Variants in OR2T1 observed in about 807,000 individuals in gnomAD.
OR2T1 encodes the protein olfactory receptor family 2 subfamily T member 1.
For missense variants in OR2T1, 440 were observed against 390.2 expected (o/e 1.13, Z -1.07); for synonymous variants, 186 against 145.4 (o/e 1.28, Z -2.01).
chr1:248,406,671 ACTT>A lies in OR2T1; in HGVS notation c.530_532del (p.Phe177del), dbSNP rs767778117. 12 of 1,614,010 alleles carry A rather than the reference ACTT, an allele frequency of 7.4e-6. No homozygotes were observed. Among genetic ancestry groups the A allele is most frequent in the East Asian group, 2.2e-5 (1 of 44,872 alleles). ...TTCTGCAATTCCCGGGAGATTAACC[ACTT>A]CTTCTGTGAGGCACCAGCAGTCCTG... On this transcript the variant is annotated inframe_deletion, in exon 2 of 2. Coordinates refer to ENST00000642005, the MANE Select transcript of OR2T1 (RefSeq NM_030904.2).
chr1:248,404,245 G>GGACGCTATTACAT, intron 1 of OR2T1, among the ~76,000 whole-genome samples: 7 of 150,968 alleles, frequency 4.6e-5, no homozygotes, highest in African/African-American at 1.7e-4. Context: ...AGACAGCAGA[G>GGACGCTATTACAT]ACCACTGTTT....
intron 1 of OR2T1, among the ~76,000 whole-genome samples, chr1:248,404,421 G>A (rs934063837): frequency 4.0e-5 from 6 of 151,794 alleles, no homozygotes; most frequent in East Asian, 1.9e-4. Flanking sequence ...TATTTTTATA[G>A]GTTCCATTAA....
chr1:248,406,118 T>C lies in OR2T1; in HGVS notation c.-30T>C. 1 of 1,614,114 alleles carries C rather than the reference T, an allele frequency of 6.2e-7. No homozygotes were observed. The highest frequency in any genetic ancestry group is 8.5e-7 in the Non-Finnish European group (1 of 1,179,986). On this transcript the variant is annotated 5_prime_UTR_variant, in exon 2 of 2. Coordinates refer to ENST00000642005, the MANE Select transcript of OR2T1 (RefSeq NM_030904.2). ...ATGCTATCATCTTATTTGGAAGATATTACCTTATATCGGCACAACTGTAGG... is the reference window on the plus strand; with the variant it reads ...ATGCTATCATCTTATTTGGAAGATACTACCTTATATCGGCACAACTGTAGG...
Position 248,406,206 on chromosome 1 carries a change from A to T in OR2T1, c.59A>T (p.Lys20Met). ...DFTFMGLFNRKETSGLIFAII... is the reference protein window; with the variant it reads ...DFTFMGLFNRMETSGLIFAII... ...ACTTTCATGGGGCTGTTCAACAGAA[A>T]GGAAACCTCAGGTCTTATTTTTGCC... The change falls in exon 2 of 2, where the codon AAG becomes ATG. Residue 20 changes from lysine (K) to methionine (M), a missense_variant. By Grantham distance (95) the Lys-to-Met change is moderately conservative. Coordinates refer to ENST00000642005, the MANE Select transcript of OR2T1 (RefSeq NM_030904.2). 3 of 1,614,130 alleles carry T rather than the reference A, an allele frequency of 1.9e-6. No homozygotes were observed. The highest frequency in any genetic ancestry group is 2.5e-6 in the Non-Finnish European group (3 of 1,180,004).
In OR2T1 at chr1:248,406,182, C is replaced by T. The variant is rs552056659; in HGVS notation, c.35C>T (p.Thr12Ile). The T allele has an allele frequency of 6.2e-6, 10 of 1,614,008 alleles. No individual in the cohort carries two copies. The highest frequency in any genetic ancestry group is 2.2e-5 in the East Asian group (1 of 44,874). The change falls in exon 2 of 2, where the codon ACT (threonine) becomes ATT (isoleucine). Residue 12 changes from threonine to isoleucine, a missense_variant. By Grantham distance (89) the Thr-to-Ile change is moderately conservative. Coordinates refer to ENST00000642005, the MANE Select transcript of OR2T1 (RefSeq NM_030904.2). Reference protein sequence around the residue: ...EEYNTSSTDFTFMGLFNRKET... With the variant: ...EEYNTSSTDFIFMGLFNRKET... ...TACAACACATCCTCTACAGACTTCA[C>T]TTTCATGGGGCTGTTCAACAGAAAG...
At position 248,406,894 on chromosome 1, in the gene OR2T1, G is replaced by C; in HGVS notation, c.747G>C (p.Leu249Phe). Residue 249 changes from leucine to phenylalanine, a missense_variant, in exon 2 of 2, where the codon TTG becomes TTC. Coordinates refer to ENST00000642005, the MANE Select transcript of OR2T1 (RefSeq NM_030904.2). The part of the protein sequence containing the change: ...TCSSHMTVVS[L>F]FYGAAMYTYM... ...CATCCCACATGACTGTGGTGTCCTTGTTCTACGGGGCTGCCATGTACACCT... is the reference window on the plus strand; with the variant it reads ...CATCCCACATGACTGTGGTGTCCTTCTTCTACGGGGCTGCCATGTACACCT... 1 of 1,614,074 alleles carries C rather than the reference G, an allele frequency of 6.2e-7. No individual in the cohort carries two copies. Among genetic ancestry groups the C allele is most frequent in the East Asian group, 2.2e-5 (1 of 44,882 alleles).
In OR2T1 at chr1:248,407,254, T is replaced by C. The variant is rs988997400; in HGVS notation, c.*150T>C. ...GGGTTTCTGGTTCATAACTCCATAG[T>C]TATGATGTTGTGGTTTTTTAGGCCT... On this transcript the variant is annotated 3_prime_UTR_variant, in exon 2 of 2. Coordinates refer to ENST00000642005, the MANE Select transcript of OR2T1 (RefSeq NM_030904.2). 1.8e-5 allele frequency: 12 copies of C among 655,716 alleles called. 2 individuals carry two copies. In the East Asian group the frequency reaches 3.6e-4, roughly 20 times the overall value. 40.6% of individuals were successfully genotyped at this position (655,716 alleles called of 1,614,324 possible).
chr1:248,405,625 A>G (rs1661538191), intron 1 of OR2T1, among the ~76,000 whole-genome samples: 1 of 152,186 alleles, frequency 6.6e-6, no homozygotes, highest in Non-Finnish European at 1.5e-5. Context: ...CTCATGATGT[A>G]GACAGTGACT....
Position 248,407,015 on chromosome 1 carries a change from A to T in OR2T1, c.868A>T (p.Ser290Cys), listed in dbSNP as rs1399245701. ...ACCCATGCTGAACCCCCTCATCTACAGCCTTAGAAACAAGGATGTGACTGG... is the reference window on the plus strand; with the variant it reads ...ACCCATGCTGAACCCCCTCATCTACTGCCTTAGAAACAAGGATGTGACTGG... ...LTPMLNPLIYSLRNKDVTGAL... is the reference protein window; with the variant it reads ...LTPMLNPLIYCLRNKDVTGAL... The change falls in exon 2 of 2, where the codon AGC (serine) becomes TGC (cysteine). Residue 290 changes from serine to cysteine, a missense_variant. Ser to Cys is a moderately radical substitution (Grantham distance 112, BLOSUM62 -1). Transcript: ENST00000642005. The T allele has an allele frequency of 2.5e-6, 4 of 1,614,072 alleles. No homozygotes were observed. The highest frequency in any genetic ancestry group is 2.5e-6 in the Non-Finnish European group (3 of 1,179,984).
Position 248,406,446 on chromosome 1 carries a change from A to G in OR2T1, c.299A>G (p.His100Arg). The change falls in exon 2 of 2, where the codon CAC becomes CGC. Residue 100 changes from histidine to arginine, a missense_variant. His to Arg is a conservative substitution (Grantham distance 29). Coordinates refer to ENST00000642005, the MANE Select transcript of OR2T1 (RefSeq NM_030904.2). ...TCCTTTGTGGGGTGCACAGCTCAAC[A>G]CTTCCTCTACCTTACCCTTGTGGGA... ...TISFVGCTAQ[H>R]FLYLTLVGAE... The G allele has an allele frequency of 1.2e-6, 2 of 1,614,090 alleles. No individual in the cohort carries two copies. The highest frequency in any genetic ancestry group is 1.7e-6 in the Non-Finnish European group (2 of 1,180,008).
chr1:248,407,026 C>G lies in OR2T1; in HGVS notation c.879C>G (p.Asn293Lys), dbSNP rs1407379140. The stretch of plus-strand genomic sequence containing the variant: ...ACCCCCTCATCTACAGCCTTAGAAA[C>G]AAGGATGTGACTGGAGCTCTGAAGA... ...MLNPLIYSLR[N>K]KDVTGALKRA... The change falls in exon 2 of 2, where the codon AAC (asparagine) becomes AAG (lysine). Residue 293 changes from asparagine to lysine, a missense_variant. Asn to Lys is a moderately conservative substitution (Grantham distance 94, BLOSUM62 0). Transcript: ENST00000642005. 3 of 1,613,792 alleles carry G rather than the reference C, an allele frequency of 1.9e-6. No individual in the cohort carries two copies. Among genetic ancestry groups the G allele is most frequent in the African/African-American group, 1.3e-5 (1 of 74,880 alleles).
At chr1:248,405,660 G>A (rs11488135) in intron 1 of OR2T1, among the ~76,000 whole-genome samples, 112,719 of 152,110 alleles carry the variant, frequency 0.74, 42,161 homozygotes, top group African/African-American at 0.84. Context: ...TAGATAACCC[G>A]TACTTGTAGC....
rs776215034 is a variant in OR2T1, at chr1:248,407,155, G to C, written c.*51G>C. On this transcript the variant is annotated 3_prime_UTR_variant, in exon 2 of 2. Coordinates refer to ENST00000642005, the MANE Select transcript of OR2T1 (RefSeq NM_030904.2). ...GTAAATGGGGGACTCTGTGGTCACT[G>C]TGGCTGTGCTTTCATCAAAAGATGA... The C allele has an allele frequency of 1.3e-6, 2 of 1,491,800 alleles. No individual in the cohort carries two copies. Among genetic ancestry groups the C allele is most frequent in the East Asian group, 4.6e-5 (2 of 43,784 alleles). 92.4% of individuals were successfully genotyped at this position (1,491,800 alleles called of 1,614,324 possible).
In OR2T1 at chr1:248,406,963, C is replaced by T; in HGVS notation, c.816C>T (p.Val272=). ...ACCACAAGCCAGCCCAGGACAAAGT[C>T]CTCTCTGTGTTTTACACCATTCTCA... ...HSYHKPAQDK[V]LSVFYTILTP... The change falls in exon 2 of 2, where the codon GTC becomes GTT. Residue 272 remains valine, a synonymous_variant. Transcript: ENST00000642005. 1.9e-6 allele frequency: 3 copies of T among 1,614,152 alleles called. No homozygotes were observed. The highest frequency in any genetic ancestry group is 1.1e-5 in the South Asian group (1 of 91,086).
rs1661593578 is a variant in OR2T1, at chr1:248,407,647, C to T, written c.*543C>T. On this transcript the variant is annotated 3_prime_UTR_variant, in exon 2 of 2. Transcript: ENST00000642005. ...TTCAATAAAGTCTCCATATAAGGGC[C>T]AAAAGGAGAGGACAGAAAACTTCTG... 6.6e-6 allele frequency: 1 copy of T among 152,444 alleles called. No homozygotes were observed. The highest frequency in any genetic ancestry group is 2.4e-5 in the African/African-American group (1 of 41,428). The allele number at this position is 152,444 out of a possible 1,614,324, so 9.4% of individuals were successfully genotyped here.
rs192716090 is a variant in OR2T1 at position 248,406,116 on chromosome 1, T to C, written c.-32T>C. On this transcript the variant is annotated splice_region_variant and 5_prime_UTR_variant, in exon 2 of 2. Transcript: ENST00000642005. ...GAATGCTATCATCTTATTTGGAAGA[T>C]ATTACCTTATATCGGCACAACTGTA... 2.3e-4 allele frequency: 372 copies of C among 1,614,108 alleles called. 8 individuals carry two copies. In the Admixed American group the frequency reaches 6.0e-3, roughly 26 times the overall value.
intron 1 of OR2T1, among the ~76,000 whole-genome samples, 168 bp downstream of exon 1, chr1:248,403,413 T>A (rs1032934438): frequency 6.6e-6 from 1 of 152,162 alleles, no homozygotes; most frequent in African/African-American, 2.4e-5. Flanking sequence ...AATTTCTTAT[T>A]TGATTCTTAA....
Position 248,407,795 on chromosome 1 carries a change from T to G in OR2T1, c.*691T>G, listed in dbSNP as rs1184550309. 1 of 152,260 alleles carries G rather than the reference T, an allele frequency of 6.6e-6. No homozygotes were observed. The highest frequency in any genetic ancestry group is 2.1e-4 in the South Asian group (1 of 4,838). 9.4% of individuals were successfully genotyped at this position (152,260 alleles called of 1,614,324 possible). A position where few individuals can be genotyped will look rare whatever the true frequency, so the allele number is the denominator to read the frequency against. On this transcript the variant is annotated 3_prime_UTR_variant, in exon 2 of 2. Transcript: ENST00000642005. Reference sequence around the variant, plus strand: ...ATGCTCTTCCAGACCTCACCCTCTGTGTCTTTTCATCTGACTGTTTCTGTG... The same window carrying G: ...ATGCTCTTCCAGACCTCACCCTCTGGGTCTTTTCATCTGACTGTTTCTGTG...
Position 248,406,833 on chromosome 1 carries a change from C to A in OR2T1, c.686C>A (p.Ser229Ter). ...RILTTVQCMS[S>*]VEGRKKAFAT... ...CTGACTACAGTTCAGTGCATGAGCT[C>A]AGTGGAGGGCAGGAAGAAGGCATTT... The change falls in exon 2 of 2, where the codon TCA (serine) becomes TAA (stop). Residue 229 changes from serine to a stop codon, truncating the protein, a stop_gained. Transcript: ENST00000642005. LOFTEE classifies it low-confidence loss of function (END_TRUNC). The A allele has an allele frequency of 6.2e-7, 1 of 1,614,154 alleles. No homozygotes were observed. Among genetic ancestry groups the A allele is most frequent in the Non-Finnish European group, 8.5e-7 (1 of 1,180,020 alleles).
Sources: allele counts gnomAD v4.1 joint callset (sites outside exome capture counted in the v4.1 genomes callset), GRCh38; gene constraint gnomAD v4.1.1; transcripts MANE v1.5; gene names NCBI Gene and HGNC (gene_info 2026-07-23, HGNC 2026-07-21).